The following COL4A5 variants were observed in gnomAD, a reference collection of about 807,000 sequenced individuals.
COL4A5 encodes collagen alpha-5(IV) chain.
A neutral mutation model predicts 130.2 loss-of-function variants in COL4A5; 26 were observed. The ratio of observed to expected loss-of-function variants is 0.20; its 90% confidence interval spans 0.15 to 0.28. The LOEUF is 0.28. Among genes scored for constraint, COL4A5 ranks in the 10% least tolerant of loss-of-function variants. COL4A5 has a pLI of 1.00. For missense variants in COL4A5, 1,131 were observed against 1,344.3 expected (o/e 0.84, Z 2.48); for synonymous variants, 496 against 439.6 (o/e 1.13, Z -1.60).
chrX:108,681,704 T>G, intron 46 of COL4A5, 56 bp from the exon 47 acceptor site: 1 of 1,207,125 alleles, frequency 8.3e-7, no homozygotes, highest in Non-Finnish European at 1.1e-6. Flanking sequence ...TCACTTTGGC[T>G]TCCATTTCTT....
In COL4A5 at chrX:108,578,132, A is replaced by G. The variant is rs916163753; in HGVS notation, c.687+13A>G. On this transcript the variant is annotated intron_variant, in intron 12 of 52. Transcript: ENST00000328300. ...CAAAGGTGAAAAAGTGAGTAAAGAA[A>G]GAGAGCTGGTTATTCAGCCCTCAGC... 4 of 1,207,369 alleles carry G rather than the reference A, an allele frequency of 3.3e-6. No individual in the cohort carries two copies. Among genetic ancestry groups the G allele is most frequent in the Non-Finnish European group, 4.5e-6 (4 of 891,748 alleles).
At chrX:108,484,618 G>T (rs909919452) in intron 1 of COL4A5, among the ~76,000 whole-genome samples, 4 of 112,635 alleles carry the variant, frequency 3.6e-5, no homozygotes, top group African/African-American at 1.3e-4. Context: ...ACCAGGCAGA[G>T]ATTCTTGTTC....
chrX:108,598,901 G>A (rs1298095491), intron 25 of COL4A5, 31 bp downstream of exon 25: 10 of 1,199,519 alleles, frequency 8.3e-6, no homozygotes, highest in Non-Finnish European at 1.0e-5. Context: ...TTTAAACTTG[G>A]TGCTTAAAAA....
chrX:108,650,814 A>C (rs777042248), intron 36 of COL4A5, among the ~76,000 whole-genome samples: 4 of 110,214 alleles, frequency 3.6e-5, no homozygotes, highest in African/African-American at 1.3e-4. Flanking sequence ...AAAGACTGCA[A>C]ATACGGCACA....
At chrX:108,510,787 T>C (rs2065172921) in intron 1 of COL4A5, among the ~76,000 whole-genome samples, 1 of 111,856 alleles carries the variant, frequency 8.9e-6, no homozygotes, top group Non-Finnish European at 1.9e-5. Flanking sequence ...GGTTTTGCTT[T>C]AGTTCCTCTA....
At chrX:108,608,729 A>G (rs1213748129) in intron 29 of COL4A5, among the ~76,000 whole-genome samples, 3 of 111,881 alleles carry the variant, frequency 2.7e-5, no homozygotes, top group Non-Finnish European at 5.6e-5. Context: ...TGACAAATGC[A>G]TACACTTGTA....
chrX:108,526,530 T>A (rs866656118), intron 1 of COL4A5, among the ~76,000 whole-genome samples: 1 of 105,748 alleles, frequency 9.5e-6, no homozygotes, highest in Non-Finnish European at 2.0e-5. Context: ...CTTTCTTTCT[T>A]TCTCTCGCTC....
At chrX:108,514,980 A>G (rs1327235367) in intron 1 of COL4A5, among the ~76,000 whole-genome samples, 3 of 112,025 alleles carry the variant, frequency 2.7e-5, no homozygotes, top group Non-Finnish European at 5.6e-5. Flanking sequence ...AGCATCTCCA[A>G]TCAATTTCGA....
At chrX:108,560,823 C>T (rs2065889417) in intron 3 of COL4A5, among the ~76,000 whole-genome samples, 1 of 111,886 alleles carries the variant, frequency 8.9e-6, no homozygotes, top group African/African-American at 3.2e-5. Context: ...GGAGATCAAC[C>T]AGCCAGAAGT....
Position 108,591,087 on chromosome X carries a change from C to G in COL4A5, c.1195C>G (p.Pro399Ala). ...TGCAGTTATGGGTCCTCCTGGCCCT[C>G]CTGGATTTCCTGGAGAAAGGGGTCA... Reference protein sequence around the residue: ...GAAVMGPPGPPGFPGERGQKG... With the variant: ...GAAVMGPPGPAGFPGERGQKG... Residue 399 changes from proline (P) to alanine (A), a missense_variant, in exon 20 of 53, where the codon CCT becomes GCT. Transcript: ENST00000328300. 1.7e-6 allele frequency: 2 copies of G among 1,209,498 alleles called. No homozygotes were observed. Among genetic ancestry groups the G allele is most frequent in the South Asian group, 3.5e-5 (2 of 56,898 alleles).
At chrX:108,488,878 G>A (rs2064970912) in intron 1 of COL4A5, among the ~76,000 whole-genome samples, 1 of 111,355 alleles carries the variant, frequency 9.0e-6, no homozygotes, top group Non-Finnish European at 1.9e-5. Flanking sequence ...AACACTTTGT[G>A]TTTTAAAATT....
chrX:108,569,979 C>T (rs1445360300), intron 6 of COL4A5, among the ~76,000 whole-genome samples: 1 of 111,497 alleles, frequency 9.0e-6, no homozygotes, highest in Non-Finnish European at 1.9e-5. Flanking sequence ...CGCGCCCGGC[C>T]AGATCTTTCT....
At chrX:108,463,801 TAG>T (rs765187157) in intron 1 of COL4A5, among the ~76,000 whole-genome samples, 6 of 111,916 alleles carry the variant, frequency 5.4e-5, no homozygotes, top group South Asian at 3.7e-4. Context: ...ATTGCTTGGG[TAG>T]AGAGAGAATG....
intron 1 of COL4A5, among the ~76,000 whole-genome samples, chrX:108,489,107 A>T (rs1467053625): frequency 8.9e-6 from 1 of 112,032 alleles, no homozygotes; most frequent in Admixed American, 9.5e-5. Flanking sequence ...GTGTGTTAGA[A>T]TTTGCACGGA....
At chrX:108,481,137 T>C (rs997158662) in intron 1 of COL4A5, among the ~76,000 whole-genome samples, 2 of 111,050 alleles carry the variant, frequency 1.8e-5, no homozygotes, top group Non-Finnish European at 3.8e-5. Context: ...ACTCCATTAA[T>C]TACCTGACTT....
chrX:108,603,349 G>T (rs2066674895), intron 28 of COL4A5, among the ~76,000 whole-genome samples: 1 of 107,263 alleles, frequency 9.3e-6, no homozygotes, highest in African/African-American at 3.4e-5. Context: ...TGGAGATATT[G>T]CAGGTTTAGT....
At chrX:108,530,541 C>T (rs1284025516) in intron 1 of COL4A5, among the ~76,000 whole-genome samples, 13 of 101,737 alleles carry the variant, frequency 1.3e-4, no homozygotes, top group East Asian at 1.2e-3. Context: ...AAAAAGTGGG[C>T]GAAGGACATG....
chrX:108,633,279 A>G (rs2147888364), intron 36 of COL4A5, among the ~76,000 whole-genome samples: 1 of 111,507 alleles, frequency 9.0e-6, no homozygotes, highest in East Asian at 2.8e-4. Flanking sequence ...TCTTCTACTT[A>G]TGAAGACTTC....
rs1015031535 is a variant in COL4A5, at chrX:108,697,403, T to A, written c.*1025T>A. 3 of 111,076 alleles carry A rather than the reference T, an allele frequency of 2.7e-5. No homozygotes were observed. The highest frequency in any genetic ancestry group is 5.7e-5 in the Non-Finnish European group (3 of 53,095). The allele number at this position is 111,076 out of a possible 1,213,427, so 9.2% of individuals were successfully genotyped here. A position where few individuals can be genotyped will look rare whatever the true frequency, so the allele number is the denominator to read the frequency against. On this transcript the variant is annotated 3_prime_UTR_variant, in exon 53 of 53. Coordinates refer to ENST00000328300, the MANE Select transcript of COL4A5 (RefSeq NM_033380.3). ...CTCTTTTAAGTTACAAAAAGCCAAT[T>A]GATGTTTCTTATTCTTTTTAAATTT...
Sources: gnomAD v4.1 joint callset for allele counts (sites outside exome capture counted in the v4.1 genomes callset) on GRCh38, gnomAD v4.1.1 for gene constraint, MANE v1.5 for transcripts, NCBI Gene and HGNC (gene_info 2026-07-23, HGNC 2026-07-21) for gene names.